CCT4: variants seen among roughly 807,000 people sequenced by gnomAD.
The protein encoded by CCT4 is T-complex protein 1 subunit delta.
In CCT4, 17 loss-of-function variants were observed where a neutral mutation model predicts 62.5. The ratio of observed to expected loss-of-function variants is 0.27; its 90% CI spans 0.19 to 0.41. The LOEUF (loss-of-function observed/expected upper bound fraction) is 0.41, where lower values mean the gene tolerates loss of function less well. Ranked by LOEUF, CCT4 falls within the 10% of genes least tolerant of loss-of-function variation. CCT4 has a pLI of 1.00. For missense variants in CCT4, 592 were observed against 659.2 expected (o/e 0.90, Z 1.12); for synonymous variants, 250 against 229.9 (o/e 1.09, Z -0.79).
chr2:61,872,115 C>T lies in CCT4; in HGVS notation c.1458G>A (p.Gln486=). ...CATTAATGCCTGCAGTTTTTTCTCC[C>T]TGGGCATGCCGGTTTCTTAGTTCTG... is the stretch of plus-strand genomic sequence containing the variant. ...TVTELRNRHA[Q]GEKTAGINVR... is the part of the protein sequence containing the mutation. Residue 486 remains glutamine (Q), a synonymous_variant, in exon 12 of 14, where the codon CAG becomes CAA. Coordinates refer to ENST00000394440, the MANE Select transcript of CCT4 (RefSeq NM_006430.4). 6.2e-7 allele frequency: 1 copy of T among 1,613,642 alleles called. No homozygotes were observed. The highest frequency in any genetic ancestry group is 8.5e-7 in the Non-Finnish European group (1 of 1,179,834).
chr2:61,875,708 A>C (rs1668983544), intron 8 of CCT4, among the ~76,000 whole-genome samples: 2 of 151,934 alleles, frequency 1.3e-5, no homozygotes, highest in African/African-American at 2.4e-5. Context: ...CGAAGAAATA[A>C]GTTTTTTAAA....
At chr2:61,884,695 C>G (rs886789485) in intron 2 of CCT4, among the ~76,000 whole-genome samples, 2 of 151,918 alleles carry the variant, frequency 1.3e-5, no homozygotes, top group Admixed American at 1.3e-4. Flanking sequence ...ATGGCACAAT[C>G]TCAGCTCACC....
intron 7 of CCT4, among the ~76,000 whole-genome samples, 200 bp from the exon 8 acceptor site, chr2:61,876,434 T>A (rs1669003850): frequency 6.6e-6 from 1 of 152,200 alleles, no homozygotes. Context: ...CTAAGTACAC[T>A]GGTATCTTAC....
rs1432131800 is a variant in CCT4 at position 61,888,408 on chromosome 2, G to C, written c.100C>G (p.Arg34Gly). Reference protein sequence around the residue: ...YQDRDKPAQIRFSNISAAKAV... With the variant: ...YQDRDKPAQIGFSNISAAKAV... ...TTGGCGGCGGAAATGTTGCTGAAGCGGATCTGGGCTGGCTTGTCGCGGTCC... is the reference window on the plus strand; with the variant it reads ...TTGGCGGCGGAAATGTTGCTGAAGCCGATCTGGGCTGGCTTGTCGCGGTCC... The change falls in exon 1 of 14, where the codon CGC becomes GGC. Residue 34 changes from arginine (R) to glycine (G), a missense_variant. Arg to Gly is a moderately radical substitution (Grantham distance 125). Transcript: ENST00000394440. 5 of 1,613,064 alleles carry C rather than the reference G, an allele frequency of 3.1e-6. No individual in the cohort carries two copies. The highest frequency in any genetic ancestry group is 4.2e-6 in the Non-Finnish European group (5 of 1,179,666).
intron 13 of CCT4, chr2:61,868,913 G>A: frequency 2.0e-6 from 1 of 503,026 alleles, no homozygotes; most frequent in South Asian, 2.2e-5. Flanking sequence ...GAGGCAGGTG[G>A]ATCACAAGGT....
chr2:61,885,199 C>A, intron 1 of CCT4, 127 bp from the exon 2 acceptor site: 1 of 570,730 alleles, frequency 1.8e-6, no homozygotes, highest in Non-Finnish European at 2.9e-6. Context: ...ACCTCAGCCT[C>A]CCAGAATAGC....
intron 7 of CCT4, 56 bp from the exon 8 acceptor site, chr2:61,876,290 T>C (rs1048806664): frequency 1.4e-5 from 20 of 1,420,570 alleles, no homozygotes; most frequent in Non-Finnish European, 1.9e-5. Context: ...AGTTTAAAAG[T>C]AGAATTTTAA....
At chr2:61,876,421 C>T (rs1669003226) in intron 7 of CCT4, among the ~76,000 whole-genome samples, 187 bp from the exon 8 acceptor site, 1 of 152,132 alleles carries the variant, frequency 6.6e-6, no homozygotes, top group Non-Finnish European at 1.5e-5. Flanking sequence ...CTTTTATTTT[C>T]AACTAAGTAC....
intron 12 of CCT4, among the ~76,000 whole-genome samples, 197 bp from the exon 13 acceptor site, chr2:61,869,750 G>A (rs1258485626): frequency 6.6e-6 from 1 of 151,764 alleles, no homozygotes; most frequent in Non-Finnish European, 1.5e-5. Context: ...CTGAATTAAT[G>A]CTGTAGTCAC....
intron 3 of CCT4, among the ~76,000 whole-genome samples, chr2:61,881,804 T>G (rs1245855831): frequency 6.6e-6 from 1 of 152,164 alleles, no homozygotes; most frequent in African/African-American, 2.4e-5. Context: ...AAACATTTTC[T>G]TATCATTGGA....
At position 61,868,398 on chromosome 2, in the gene CCT4, AT is replaced by A. The variant is rs35494866; in HGVS notation, c.*293del. On this transcript the variant is annotated 3_prime_UTR_variant, in exon 14 of 14. Transcript: ENST00000394440. The stretch of plus-strand genomic sequence containing the variant: ...TTATCAGTGATGAGCATATTGGGCC[AT>A]TTTTTTCCTCAACATGTAAACTCAC... 1.9e-5 allele frequency: 7 copies of A among 360,362 alleles called. No individual in the cohort carries two copies. The highest frequency in any genetic ancestry group is 4.1e-5 in the Admixed American group (1 of 24,654). The allele number at this position is 360,362 out of a possible 1,614,324, so 22.3% of individuals were successfully genotyped here. A position where few individuals can be genotyped will look rare whatever the true frequency, so the allele number is the denominator to read the frequency against.
rs1273211702 is a variant in CCT4, at chr2:61,876,151, C to T, written c.861G>A (p.Val287=). The T allele has an allele frequency of 4.4e-6, 7 of 1,603,764 alleles. No homozygotes were observed. Among genetic ancestry groups the T allele is most frequent in the Non-Finnish European group, 4.3e-6 (5 of 1,171,118 alleles). ...REERAYILNL[V]KQIKKTGCNV... Reference sequence around the variant, plus strand: ...TACATCCTGTTTTTTTAATTTGCTTCACTAAATTTAAAATATAGGCTCTCT... The same window carrying T: ...TACATCCTGTTTTTTTAATTTGCTTTACTAAATTTAAAATATAGGCTCTCT... Residue 287 remains valine (V), a synonymous_variant, in exon 8 of 14, where the codon GTG becomes GTA. Transcript: ENST00000394440.
intron 1 of CCT4, among the ~76,000 whole-genome samples, chr2:61,886,887 G>A (rs1050707202): frequency 2.6e-5 from 4 of 151,918 alleles, no homozygotes; most frequent in African/African-American, 7.3e-5. Context: ...AGCCTCCCGA[G>A]TAGCTGGGAC....
chr2:61,883,530 C>T lies in CCT4; in HGVS notation c.199G>A (p.Asp67Asn). 1.3e-6 allele frequency: 2 copies of T among 1,585,248 alleles called. No individual in the cohort carries two copies. Among genetic ancestry groups the T allele is most frequent in the Non-Finnish European group, 1.7e-6 (2 of 1,163,302 alleles). ...MDKMIQDGKG[D>N]VTITNDGATI... Reference sequence around the variant, plus strand: ...GCACCATCATTTGTAATGGTTACATCACCTTTTCCATCTTGAATCTAGAAA... The same window carrying T: ...GCACCATCATTTGTAATGGTTACATTACCTTTTCCATCTTGAATCTAGAAA... Residue 67 changes from aspartate (D) to asparagine (N), a missense_variant, in exon 3 of 14, where the codon GAT becomes AAT. Asp to Asn is a conservative substitution (Grantham distance 23). Around this residue, in one of 3 missense-constraint regions of CCT4, gnomAD observed 522 missense variants for 571.2 expected, o/e 0.91. Coordinates refer to ENST00000394440, the MANE Select transcript of CCT4 (RefSeq NM_006430.4).
chr2:61,869,456 A>T lies in CCT4; in HGVS notation c.1589T>A (p.Leu530Gln). Residue 530 changes from leucine to glutamine, a missense_variant, in exon 13 of 14, where the codon CTG (leucine) becomes CAG (glutamine). Transcript: ENST00000394440. ...AACACTTACCACATCATCTATTTTC[A>T]GAATGCTCCGAACAGTTTCAGTTGC... ...TLATETVRSI[L>Q]KIDDVVNTR 4 of 1,603,186 alleles carry T rather than the reference A, an allele frequency of 2.5e-6. No homozygotes were observed. The highest frequency in any genetic ancestry group is 3.4e-6 in the Non-Finnish European group (4 of 1,170,018).
At chr2:61,888,227 CAG>C in intron 1 of CCT4, 152 bp downstream of exon 1, 3 of 925,532 alleles carry the variant, frequency 3.2e-6, no homozygotes, top group Non-Finnish European at 4.6e-6. Context: ...GGCAGAAAAA[CAG>C]AAATAAGGAT....
intron 1 of CCT4, chr2:61,888,119 A>G (rs751016636): frequency 5.5e-5 from 22 of 396,900 alleles, no homozygotes; most frequent in Non-Finnish European, 8.9e-5. Flanking sequence ...TTCGGCTCCA[A>G]TATGAATGAT....
At position 61,873,188 on chromosome 2, in the gene CCT4, A is replaced by G; in HGVS notation, c.1014+9T>C. On this transcript the variant is annotated intron_variant, in intron 9 of 13. Coordinates refer to ENST00000394440, the MANE Select transcript of CCT4 (RefSeq NM_006430.4). The stretch of plus-strand genomic sequence containing the variant: ...ACATTTTCCACAAATACAGATGTTA[A>G]TGTTTTACCTTACAAATGAATTCAA... 2 of 1,428,962 alleles carry G rather than the reference A, an allele frequency of 1.4e-6. No individual in the cohort carries two copies. Among genetic ancestry groups the G allele is most frequent in the African/African-American group, 2.8e-5 (2 of 71,084 alleles). 88.5% of individuals were successfully genotyped at this position (1,428,962 alleles called of 1,614,324 possible). A position where few individuals can be genotyped will look rare whatever the true frequency, so the allele number is the denominator to read the frequency against.
At chr2:61,877,897 C>T (rs1245135782) in intron 5 of CCT4, among the ~76,000 whole-genome samples, 1 of 152,150 alleles carries the variant, frequency 6.6e-6, no homozygotes, top group East Asian at 1.9e-4. Context: ...AAATTGCTAA[C>T]ATTTATCAAT....
Sources: allele counts gnomAD v4.1 joint callset (sites outside exome capture counted in the v4.1 genomes callset), GRCh38; gene constraint gnomAD v4.1.1; regional missense constraint gnomAD v4.1.1; transcripts MANE v1.5; gene names NCBI Gene and HGNC (gene_info 2026-07-23, HGNC 2026-07-21).